DNER: variants seen among roughly 807,000 people sequenced by gnomAD.
The protein encoded by DNER is delta/notch like EGF repeat containing.
A neutral mutation model predicts 78.2 loss-of-function variants in DNER; 33 were observed. That is an observed-to-expected ratio of 0.42 (90% confidence interval 0.32 to 0.56). The LOEUF is 0.56. Ranked by LOEUF, DNER falls within the 20% of genes least tolerant of loss-of-function variation. The pLI, the probability that DNER is intolerant of heterozygous loss-of-function variation, is 0.11. For missense variants in DNER, 918 were observed against 975.3 expected, an observed-to-expected ratio of 0.94 and a Z score of 0.78; for synonymous variants, 417 against 384.8, an observed-to-expected ratio of 1.08 and a Z score of -0.98.
At chr2:229,664,679 AG>A (rs1318405267) in intron 1 of DNER, among the ~76,000 whole-genome samples, 2 of 152,196 alleles carry the variant, frequency 1.3e-5, no homozygotes, top group Non-Finnish European at 2.9e-5. Context: ...CTTCATAATT[AG>A]ACCTTAAGCT....
intron 1 of DNER, among the ~76,000 whole-genome samples, chr2:229,629,297 G>A (rs888926437): frequency 6.6e-6 from 1 of 152,186 alleles, no homozygotes; most frequent in African/African-American, 2.4e-5. Flanking sequence ...CAATATTCTA[G>A]TAAGGAGGAA....
chr2:229,391,840 GC>G, intron 10 of DNER, among the ~76,000 whole-genome samples: 1 of 152,100 alleles, frequency 6.6e-6, no homozygotes, highest in Admixed American at 6.6e-5. Context: ...ACCATGCCCA[GC>G]CAAATTTTTT....
chr2:229,672,972 G>T (rs1005899940), intron 1 of DNER, among the ~76,000 whole-genome samples: 1 of 152,162 alleles, frequency 6.6e-6, no homozygotes, highest in Admixed American at 6.5e-5. Flanking sequence ...GTCGTTTTGA[G>T]AGCCGCCCTG....
chr2:229,685,647 A>G (rs1699472152), intron 1 of DNER, among the ~76,000 whole-genome samples: 1 of 152,212 alleles, frequency 6.6e-6, no homozygotes, highest in Admixed American at 6.5e-5. Context: ...GCATTCTTCC[A>G]TTTCAGTGGT....
intron 5 of DNER, among the ~76,000 whole-genome samples, chr2:229,546,264 A>G (rs1696625067): frequency 6.6e-6 from 1 of 152,204 alleles, no homozygotes; most frequent in Non-Finnish European, 1.5e-5. Context: ...TTCCATTCAT[A>G]TTCAGATGAG....
chr2:229,698,537 G>T (rs1699695286), intron 1 of DNER, among the ~76,000 whole-genome samples: 1 of 152,156 alleles, frequency 6.6e-6, no homozygotes, highest in Non-Finnish European at 1.5e-5. Flanking sequence ...GAAAAACCTT[G>T]CATAAAATCG....
chr2:229,654,811 C>T (rs938919507), intron 1 of DNER, among the ~76,000 whole-genome samples: 12 of 152,124 alleles, frequency 7.9e-5, no homozygotes, highest in African/African-American at 2.7e-4. Context: ...TCAGCCCATA[C>T]ACTTTTATTG....
At chr2:229,644,770 G>A (rs2154216110) in intron 1 of DNER, among the ~76,000 whole-genome samples, 1 of 152,270 alleles carries the variant, frequency 6.6e-6, no homozygotes, top group South Asian at 2.1e-4. Flanking sequence ...ATCATCAGGA[G>A]TGACTACAGA....
At chr2:229,443,676 A>G (rs1245033245) in intron 8 of DNER, among the ~76,000 whole-genome samples, 1 of 152,206 alleles carries the variant, frequency 6.6e-6, no homozygotes, top group Admixed American at 6.5e-5. Context: ...CATGACTTCA[A>G]TCTGCTGCCA....
chr2:229,421,744 T>G (rs901965120), intron 8 of DNER, among the ~76,000 whole-genome samples: 16 of 151,930 alleles, frequency 1.1e-4, no homozygotes, highest in Non-Finnish European at 1.9e-4. Flanking sequence ...TCTCCTAATA[T>G]GAGAAGCTTT....
chr2:229,393,520 A>G (rs1442043100), intron 10 of DNER, among the ~76,000 whole-genome samples: 1 of 152,100 alleles, frequency 6.6e-6, no homozygotes, highest in Non-Finnish European at 1.5e-5. Flanking sequence ...AAGCTTGACA[A>G]ACTGAAACTC....
chr2:229,665,686 A>C (rs187969596), intron 1 of DNER, among the ~76,000 whole-genome samples: 16 of 152,308 alleles, frequency 1.1e-4, no homozygotes, highest in Admixed American at 3.3e-4. Flanking sequence ...TACCAAAGCA[A>C]TGCATAGCTG....
intron 8 of DNER, among the ~76,000 whole-genome samples, chr2:229,442,703 G>A (rs548080112): frequency 2.0e-5 from 3 of 151,986 alleles, no homozygotes; most frequent in South Asian, 2.1e-4. Flanking sequence ...TTAAAATCCT[G>A]ACCATTAAGT....
chr2:229,682,300 A>G (rs1699400417), intron 1 of DNER, among the ~76,000 whole-genome samples: 1 of 152,240 alleles, frequency 6.6e-6, no homozygotes, highest in South Asian at 2.1e-4. Context: ...TTAAAATTTG[A>G]TGAATATGTA....
At chr2:229,600,535 G>A (rs767924386) in intron 1 of DNER, among the ~76,000 whole-genome samples, 1 of 152,224 alleles carries the variant, frequency 6.6e-6, no homozygotes, top group African/African-American at 2.4e-5. Context: ...TGTGCAGCAA[G>A]TGATTAAATA....
chr2:229,578,763 G>C (rs935844551), intron 4 of DNER, among the ~76,000 whole-genome samples: 3 of 152,190 alleles, frequency 2.0e-5, no homozygotes, highest in Admixed American at 6.5e-5. Flanking sequence ...TCATTTTAAA[G>C]GACAAGGCTT....
intron 9 of DNER, among the ~76,000 whole-genome samples, chr2:229,410,410 G>C (rs1016796313): frequency 6.6e-6 from 1 of 152,174 alleles, no homozygotes; most frequent in Non-Finnish European, 1.5e-5. Flanking sequence ...CAAGAGGGGC[G>C]ACAGCCAGTG....
chr2:229,644,225 G>T (rs1305317912), intron 1 of DNER, among the ~76,000 whole-genome samples: 1 of 151,776 alleles, frequency 6.6e-6, no homozygotes, highest in East Asian at 1.9e-4. Context: ...GGCATGCAAT[G>T]TGTGATAATC....
intron 1 of DNER, among the ~76,000 whole-genome samples, chr2:229,642,411 G>A (rs1300299677): frequency 1.3e-5 from 2 of 152,142 alleles, no homozygotes; most frequent in African/African-American, 4.8e-5. Flanking sequence ...AGTGACAGAC[G>A]CCCGCTGAAA....
Sources: gnomAD v4.1 joint callset for allele counts (sites outside exome capture counted in the v4.1 genomes callset) on GRCh38, gnomAD v4.1.1 for gene constraint, MANE v1.5 for transcripts, NCBI Gene and HGNC (gene_info 2026-07-23, HGNC 2026-07-21) for gene names.